Variants in KLF12 observed in about 807,000 individuals in gnomAD.
KLF12 encodes Krueppel-like factor 12.
Under a neutral mutation model 37.8 loss-of-function variants are expected in KLF12, and 9 were observed. The ratio of observed to expected loss-of-function variants is 0.24; its 90% confidence interval spans 0.14 to 0.42. KLF12 has a LOEUF of 0.42. KLF12 is among the 10% of genes least tolerant of loss of function. The probability of loss-of-function intolerance (pLI) is 1.00; values close to 1 mark genes in which losing one functional copy is unlikely to be tolerated. For missense variants in KLF12, 411 were observed against 516.0 expected, an observed-to-expected ratio of 0.80 and a Z score of 1.97; for synonymous variants, 208 against 202.1, an observed-to-expected ratio of 1.03 and a Z score of -0.25.
At chr13:74,252,991 CTA>C in the KLF12 span, among the ~76,000 whole-genome samples, 2 of 121,572 alleles carry the variant, frequency 1.6e-5, no homozygotes, top group Admixed American at 7.5e-5. Context: ...ATCTATCTAT[CTA>C]TCTATCTATC....
chr13:73,965,343 T>C (rs2138066328), intron 2 of KLF12, among the ~76,000 whole-genome samples: 1 of 152,320 alleles, frequency 6.6e-6, no homozygotes, highest in East Asian at 1.9e-4. Context: ...TATTTTAATG[T>C]CAAGTCTCCA....
chr13:73,979,988 C>G (rs140186837), intron 2 of KLF12, among the ~76,000 whole-genome samples: 1 of 152,088 alleles, frequency 6.6e-6, no homozygotes, highest in East Asian at 1.9e-4. Flanking sequence ...CATTTCCAAG[C>G]CAGAGAGGGG....
intron 3 of KLF12, among the ~76,000 whole-genome samples, chr13:73,885,698 T>C (rs1410562754): frequency 1.3e-5 from 2 of 152,138 alleles, no homozygotes; most frequent in Non-Finnish European, 2.9e-5. Context: ...AAGCTATAAA[T>C]GAAGAATAGC....
intron 2 of KLF12, among the ~76,000 whole-genome samples, chr13:73,974,561 A>G (rs2138132582): frequency 6.6e-6 from 1 of 152,324 alleles, no homozygotes; most frequent in Admixed American, 6.5e-5. Context: ...CCTTCATAAA[A>G]TAAACTCTTT....
the KLF12 span, among the ~76,000 whole-genome samples, chr13:74,156,070 C>T: frequency 6.6e-6 from 1 of 152,206 alleles, no homozygotes; most frequent in Admixed American, 6.5e-5. Flanking sequence ...TTTCTCAGCA[C>T]TTCTTGTCCA....
the KLF12 span, among the ~76,000 whole-genome samples, chr13:74,178,616 T>C: frequency 6.6e-6 from 1 of 152,308 alleles, no homozygotes; most frequent in East Asian, 1.9e-4. Context: ...TTTCAGGAAA[T>C]TGAATGAGGA....
chr13:73,879,164 G>A (rs1249688458), intron 3 of KLF12, among the ~76,000 whole-genome samples: 2 of 152,160 alleles, frequency 1.3e-5, no homozygotes, highest in Admixed American at 6.5e-5. Context: ...GTTTACTGAT[G>A]TTCAGAATAA....
At chr13:73,921,351 C>T (rs1398677625) in intron 3 of KLF12, among the ~76,000 whole-genome samples, 2 of 152,154 alleles carry the variant, frequency 1.3e-5, no homozygotes, top group African/African-American at 2.4e-5. Context: ...GTTCCTTTCA[C>T]CCTTACACTC....
Position 73,779,817 on chromosome 13 carries a change from G to A in KLF12, c.807-14817C>T, listed in dbSNP as rs1590380. 1.7e-4 allele frequency among the ~76,000 whole-genome samples: 26 copies of A among 152,122 alleles called. No homozygotes were observed. In the South Asian group the frequency reaches 5.2e-3, roughly 30 times the overall value. ...AGAATTTAATTGAATTGTTGGACAC[G>A]TTCTTGGCATCAGGGAATTGGAGAA... On this transcript the variant is annotated intron_variant, in intron 5 of 7. Coordinates refer to ENST00000377669, the MANE Select transcript of KLF12 (RefSeq NM_007249.5).
chr13:73,975,144 A>C, intron 2 of KLF12, among the ~76,000 whole-genome samples: 1 of 152,224 alleles, frequency 6.6e-6, no homozygotes. Context: ...ATTCAAAAGT[A>C]ACTTTTTTTG....
intron 1 of KLF12, among the ~76,000 whole-genome samples, chr13:74,087,491 G>A (rs2138797327): frequency 6.6e-6 from 1 of 152,248 alleles, no homozygotes; most frequent in African/African-American, 2.4e-5. Flanking sequence ...TGCACGATAT[G>A]GAGGAGGGGC....
chr13:73,943,290 A>C (rs1264558712), intron 3 of KLF12, among the ~76,000 whole-genome samples: 1 of 152,232 alleles, frequency 6.6e-6, no homozygotes, highest in Non-Finnish European at 1.5e-5. Context: ...TTTATCTCTT[A>C]AAGTTGCCAA....
intron 4 of KLF12, among the ~76,000 whole-genome samples, chr13:73,832,941 C>A (rs11842794): frequency 1.3e-5 from 2 of 151,890 alleles, no homozygotes; most frequent in Non-Finnish European, 2.9e-5. Context: ...AGAGACACTG[C>A]CTATGAACTT....
chr13:73,917,329 C>T (rs537424572), intron 3 of KLF12, among the ~76,000 whole-genome samples: 2 of 152,312 alleles, frequency 1.3e-5, no homozygotes, highest in Non-Finnish European at 1.5e-5. Context: ...AGTGATTCCT[C>T]TCATATTTAC....
At chr13:74,189,167 A>T in the KLF12 span, among the ~76,000 whole-genome samples, 1 of 152,158 alleles carries the variant, frequency 6.6e-6, no homozygotes, top group Non-Finnish European at 1.5e-5. Context: ...CTTTTTGTGG[A>T]ACAATTGTTT....
the KLF12 span, among the ~76,000 whole-genome samples, chr13:74,243,000 T>C: frequency 1.3e-5 from 2 of 152,208 alleles, no homozygotes; most frequent in South Asian, 2.1e-4. Flanking sequence ...GCAGGATTGT[T>C]ACATAGGTAT....
intron 6 of KLF12, among the ~76,000 whole-genome samples, chr13:73,737,136 A>G (rs138333473): frequency 2.0e-4 from 30 of 152,276 alleles, no homozygotes; most frequent in Non-Finnish European, 3.2e-4. Flanking sequence ...CTTGATTCAA[A>G]AAGCTAATGT....
At chr13:74,061,704 C>A (rs1202952377) in intron 1 of KLF12, among the ~76,000 whole-genome samples, 1 of 152,192 alleles carries the variant, frequency 6.6e-6, no homozygotes, top group African/African-American at 2.4e-5. Context: ...CCCACTGAAA[C>A]ATGGTGGCAC....
intron 3 of KLF12, among the ~76,000 whole-genome samples, chr13:73,908,391 G>T (rs1888405036): frequency 8.1e-6 from 1 of 123,290 alleles, no homozygotes; most frequent in Admixed American, 8.1e-5. Context: ...GACAGAGCGA[G>T]ACTCTGTCTC....
Sources: gnomAD v4.1 joint callset for allele counts (sites outside exome capture counted in the v4.1 genomes callset) on GRCh38, gnomAD v4.1.1 for gene constraint, MANE v1.5 for transcripts, NCBI Gene and HGNC (gene_info 2026-07-23, HGNC 2026-07-21) for gene names.